Variants in PPP2R5D observed in about 807,000 individuals in gnomAD.
PPP2R5D encodes protein phosphatase 2 regulatory subunit B'delta.
PPP2R5D carries 12 observed loss-of-function variants against 79.1 expected under a neutral mutation model. The observed-to-expected ratio is 0.15, with a 90% CI of 0.10 to 0.25. PPP2R5D has a LOEUF of 0.25. Among genes scored for constraint, PPP2R5D ranks in the 10% least tolerant of loss-of-function variants. The pLI is 1.00. For synonymous variants in PPP2R5D, 277 were observed against 286.6 expected (o/e 0.97, Z 0.34); for missense variants, 419 against 760.2 (o/e 0.55, Z 5.28).
chr6:43,006,362 G>A lies in PPP2R5D; in HGVS notation c.106-101G>A. The A allele has an allele frequency of 6.7e-7, 1 of 1,501,824 alleles. No individual in the cohort carries two copies. Among genetic ancestry groups the A allele is most frequent in the South Asian group, 1.3e-5 (1 of 75,336 alleles). The allele number at this position is 1,501,824 out of a possible 1,614,324, so 93.0% of individuals were successfully genotyped here. ...TCGGGGCAGGAGACAGCTGCTCACT[G>A]CCCAGGCCTGTGCAGGCATAAACAG... On this transcript the variant is annotated intron_variant, in intron 2 of 15. Transcript: ENST00000485511. This position sits in a 1 kb window ranked among gnomAD's most constrained non-coding sequence, Gnocchi z 4.7.
intron 2 of PPP2R5D, among the ~76,000 whole-genome samples, chr6:42,998,376 G>T (rs1771941187): frequency 1.3e-5 from 2 of 151,892 alleles, no homozygotes; most frequent in South Asian, 4.2e-4. Flanking sequence ...CCCAGCGTGG[G>T]TTTAATTATT....
Position 43,008,125 on chromosome 6 carries a change from C to CAG in PPP2R5D, c.857+61_857+62dup. The CAG allele has an allele frequency of 6.2e-7, 1 of 1,613,596 alleles. No individual in the cohort carries two copies. Among genetic ancestry groups the CAG allele is most frequent in the Non-Finnish European group, 8.5e-7 (1 of 1,179,598 alleles). On this transcript the variant is annotated intron_variant, in intron 7 of 15. Coordinates refer to ENST00000485511, the MANE Select transcript of PPP2R5D (RefSeq NM_006245.4). The surrounding 1 kb of genome is among the most constrained non-coding windows in gnomAD (Gnocchi z 4.2). Reference sequence around the variant, plus strand: ...TTCTGCTACTGAGGTGGGGTGGGAGCAGGGAGGTGGGGGGACTGTACAGAA... The same window carrying CAG: ...TTCTGCTACTGAGGTGGGGTGGGAGCAGAGGGAGGTGGGGGGACTGTACAGAA...
In PPP2R5D at chr6:42,995,982, C is replaced by T. The variant is rs868509431; in HGVS notation, c.105+6294C>T. 3.8e-4 allele frequency among the ~76,000 whole-genome samples: 57 copies of T among 149,158 alleles called. 1 individual carries two copies. Among genetic ancestry groups the T allele is most frequent in the African/African-American group, 1.2e-3 (47 of 40,842 alleles). ...GTTCACGCCATTCTCCTGCCTCAGC[C>T]TCCCGAGTAGCTGGGACTTTCTATT... On this transcript the variant is annotated intron_variant, in intron 2 of 15. Coordinates refer to ENST00000485511, the MANE Select transcript of PPP2R5D (RefSeq NM_006245.4).
chr6:43,008,428 C>T lies in PPP2R5D; in HGVS notation c.979C>T (p.Leu327=). The change falls in exon 9 of 16, where the codon CTA becomes TTA. Residue 327 remains leucine (L), a synonymous_variant. Coordinates refer to ENST00000485511, the MANE Select transcript of PPP2R5D (RefSeq NM_006245.4). This position sits in a 1 kb window ranked among gnomAD's most constrained non-coding sequence, Gnocchi z 4.2. ...EEHKMFLIRV[L]LPLHKVKSLS... ...GCACAAGATGTTCCTCATCCGTGTC[C>T]TACTTCCCCTTCACAAGGTCAAGTC... The T allele has an allele frequency of 6.2e-7, 1 of 1,614,102 alleles. No individual in the cohort carries two copies. Among genetic ancestry groups the T allele is most frequent in the South Asian group, 1.1e-5 (1 of 91,080 alleles).
At chr6:42,999,629 G>C (rs946694755) in intron 2 of PPP2R5D, among the ~76,000 whole-genome samples, 3 of 152,084 alleles carry the variant, frequency 2.0e-5, no homozygotes, top group East Asian at 3.9e-4. Flanking sequence ...GCAGTGGCAC[G>C]ATTTCGGCTC....
chr6:42,994,090 T>C (rs892403507), intron 2 of PPP2R5D, among the ~76,000 whole-genome samples: 5 of 152,086 alleles, frequency 3.3e-5, no homozygotes, highest in Admixed American at 6.6e-5. Flanking sequence ...GCAGACCACC[T>C]GAGGTCAGGA....
At chr6:42,995,192 A>G (rs1771568805) in intron 2 of PPP2R5D, among the ~76,000 whole-genome samples, 1 of 136,902 alleles carries the variant, frequency 7.3e-6, no homozygotes, top group East Asian at 2.2e-4. Flanking sequence ...GTACAGTGGT[A>G]CAATCATGGC....
intron 15 of PPP2R5D, 65 bp downstream of exon 15, chr6:43,011,062 C>T: frequency 1.2e-6 from 2 of 1,609,500 alleles, no homozygotes; most frequent in African/African-American, 1.3e-5. Flanking sequence ...GAGACAGAAA[C>T]AGCAGAGCCA....
chr6:42,998,015 TTA>T (rs1561843629), intron 2 of PPP2R5D, among the ~76,000 whole-genome samples: 1,627 of 32,152 alleles, frequency 0.051, 22 homozygotes, highest in Middle Eastern at 0.071. Flanking sequence ...TGGGTTTTAT[TTA>T]TATATATATA....
intron 2 of PPP2R5D, among the ~76,000 whole-genome samples, chr6:42,991,067 G>T (rs144677301): frequency 6.6e-6 from 1 of 152,224 alleles, no homozygotes; most frequent in African/African-American, 2.4e-5. Context: ...GCTCTGTGAC[G>T]ATTTGTCCCC....
Position 42,990,350 on chromosome 6 carries a change from T to C in PPP2R5D, c.105+662T>C, listed in dbSNP as rs561696258. ...TACACAGCGAGCATCCACCACATCC[T>C]ACCTGGAAACTGGTGTTTGGTGCTT... On this transcript the variant is annotated intron_variant, in intron 2 of 15. Transcript: ENST00000485511. 2.6e-5 allele frequency among the ~76,000 whole-genome samples: 4 copies of C among 152,330 alleles called. No homozygotes were observed. The East Asian group carries it at 5.8e-4, about 22-fold the overall frequency.
intron 2 of PPP2R5D, among the ~76,000 whole-genome samples, chr6:42,994,733 G>A (rs1185327197): frequency 2.7e-5 from 4 of 150,870 alleles, no homozygotes; most frequent in South Asian, 2.1e-4. Flanking sequence ...CATGAGAATC[G>A]TTTGAACCTG....
Position 42,984,729 on chromosome 6 carries a change from C to T in PPP2R5D, c.27+25C>T, listed in dbSNP as rs748057526. Reference sequence around the variant, plus strand: ...GGTGAGCGTGGCCCTTTTTCCCCCACCGCCGCCTTGGAGCCTGCGCGGAGC... The same window carrying T: ...GGTGAGCGTGGCCCTTTTTCCCCCATCGCCGCCTTGGAGCCTGCGCGGAGC... On this transcript the variant is annotated intron_variant, in intron 1 of 15. Coordinates refer to ENST00000485511, the MANE Select transcript of PPP2R5D (RefSeq NM_006245.4). 12 of 1,611,460 alleles carry T rather than the reference C, an allele frequency of 7.4e-6. No individual in the cohort carries two copies. The African/African-American group carries it at 1.5e-4, about 20-fold the overall frequency.
intron 2 of PPP2R5D, among the ~76,000 whole-genome samples, chr6:42,998,182 T>C (rs193177166): frequency 0.025 from 3,622 of 144,238 alleles, 147 homozygotes; most frequent in African/African-American, 0.086. Flanking sequence ...TCAAGCAATG[T>C]TCCTGCCTCA....
rs1762168904 is a variant in PPP2R5D, at chr6:43,007,791, A to G, written c.727-144A>G. 2 of 1,059,882 alleles carry G rather than the reference A, an allele frequency of 1.9e-6. No individual in the cohort carries two copies. The highest frequency in any genetic ancestry group is 2.8e-6 in the Non-Finnish European group (2 of 714,368). 65.7% of individuals were successfully genotyped at this position (1,059,882 alleles called of 1,614,324 possible). A position where few individuals can be genotyped will look rare whatever the true frequency, so the allele number is the denominator to read the frequency against. ...GTACAAATACAATAGAATCAGCAAT[A>G]TAATAGAATCACTGCTTTCTAAGAC... On this transcript the variant is annotated intron_variant, in intron 6 of 15. Coordinates refer to ENST00000485511, the MANE Select transcript of PPP2R5D (RefSeq NM_006245.4). This position sits in a 1 kb window ranked among gnomAD's most constrained non-coding sequence, Gnocchi z 4.5.
chr6:43,011,542 C>A lies in PPP2R5D; in HGVS notation c.*256C>A. ...TTAGTGCTCAGACAACCTGGGGATG[C>A]CTGTCCCCTACCTGCTCCTCACCCA... On this transcript the variant is annotated 3_prime_UTR_variant, in exon 16 of 16. Coordinates refer to ENST00000485511, the MANE Select transcript of PPP2R5D (RefSeq NM_006245.4). 1.9e-6 allele frequency: 1 copy of A among 537,096 alleles called. No individual in the cohort carries two copies. The highest frequency in any genetic ancestry group is 3.3e-6 in the Non-Finnish European group (1 of 300,188). 33.3% of individuals were successfully genotyped at this position (537,096 alleles called of 1,614,324 possible). A position where few individuals can be genotyped will look rare whatever the true frequency, so the allele number is the denominator to read the frequency against.
At chr6:42,985,903 A>C (rs1028690571) in intron 1 of PPP2R5D, among the ~76,000 whole-genome samples, 8 of 150,080 alleles carry the variant, frequency 5.3e-5, no homozygotes, top group Non-Finnish European at 1.0e-4. Flanking sequence ...TCAGCCTCCC[A>C]AGTAGCTGGA....
In PPP2R5D at chr6:43,011,532, C is replaced by T. The variant is rs372343188; in HGVS notation, c.*246C>T. 11 of 539,524 alleles carry T rather than the reference C, an allele frequency of 2.0e-5. No homozygotes were observed. Among genetic ancestry groups the T allele is most frequent in the East Asian group, 1.6e-4 (5 of 31,348 alleles). 33.4% of individuals were successfully genotyped at this position (539,524 alleles called of 1,614,324 possible). ...ACTAAGATGCTTAGTGCTCAGACAA[C>T]CTGGGGATGCCTGTCCCCTACCTGC... On this transcript the variant is annotated 3_prime_UTR_variant, in exon 16 of 16. Coordinates refer to ENST00000485511, the MANE Select transcript of PPP2R5D (RefSeq NM_006245.4).
At chr6:42,987,334 C>T (rs1374041402) in intron 1 of PPP2R5D, among the ~76,000 whole-genome samples, 1 of 152,182 alleles carries the variant, frequency 6.6e-6, no homozygotes, top group African/African-American at 2.4e-5. Context: ...CATCTCTCCT[C>T]TTCCTTCATG....
Sources: allele counts gnomAD v4.1 joint callset (sites outside exome capture counted in the v4.1 genomes callset), GRCh38; gene constraint gnomAD v4.1.1; non-coding constraint Gnocchi (gnomAD v3.1); transcripts MANE v1.5; gene names NCBI Gene and HGNC (gene_info 2026-07-23, HGNC 2026-07-21).